The following XIRP2 variants were observed in gnomAD, a reference collection of about 807,000 sequenced individuals.
XIRP2 encodes xin actin binding repeat containing 2.
XIRP2 carries 236 observed loss-of-function variants against 277.0 expected under a neutral mutation model. The ratio of observed to expected loss-of-function variants is 0.85; its 90% CI spans 0.77 to 0.95. The LOEUF (loss-of-function observed/expected upper bound fraction) is 0.95. Ranked by LOEUF, XIRP2 falls within the 40% of genes least tolerant of loss-of-function variation. The pLI is 0.00. For synonymous variants in XIRP2, 1,490 were observed against 1,416.5 expected, an observed-to-expected ratio of 1.05 and a Z score of -1.17; for missense variants, 4,640 against 4,157.5, an observed-to-expected ratio of 1.12 and a Z score of -3.19.
chr2:167,007,393 A>C (rs78639834), intron 2 of XIRP2, among the ~76,000 whole-genome samples: 1 of 151,818 alleles, frequency 6.6e-6, no homozygotes, highest in African/African-American at 2.4e-5. Flanking sequence ...CTGAAATTAG[A>C]TTATAAACTG....
chr2:167,045,411 TTAAAC>T (rs1454635331), intron 2 of XIRP2, among the ~76,000 whole-genome samples: 1 of 152,058 alleles, frequency 6.6e-6, no homozygotes, highest in African/African-American at 2.4e-5. Flanking sequence ...ATGGGACTAA[TTAAAC>T]TAAAGAGTTC....
At chr2:167,217,580 G>T (rs1250304440) in intron 4 of XIRP2, among the ~76,000 whole-genome samples, 1 of 152,028 alleles carries the variant, frequency 6.6e-6, no homozygotes, top group African/African-American at 2.4e-5. Flanking sequence ...TAAAATGTGG[G>T]TAATAGGTGT....
chr2:167,194,417 A>T (rs1175771412), intron 3 of XIRP2, among the ~76,000 whole-genome samples: 1 of 152,000 alleles, frequency 6.6e-6, no homozygotes, highest in East Asian at 1.9e-4. Flanking sequence ...AAATTAGAAA[A>T]ATTTCACAAA....
At chr2:167,180,396 C>T (rs1468216633) in intron 3 of XIRP2, among the ~76,000 whole-genome samples, 3 of 151,958 alleles carry the variant, frequency 2.0e-5, no homozygotes, top group Non-Finnish European at 4.4e-5. Context: ...TGATTTTGCT[C>T]CTGTGTTATG....
In XIRP2 at chr2:167,243,987, G is replaced by A; in HGVS notation, c.2595G>A (p.Glu865=). ...EVPDADSLQR[E]EIIGGDVQTT... ...CTGATGCAGATTCTCTACAACGTGA[G>A]GAGATAATAGGTGGTGATGTACAAA... Residue 865 remains glutamate (E), a synonymous_variant, in exon 9 of 11, where the codon GAG becomes GAA. Coordinates refer to ENST00000409195, the MANE Select transcript of XIRP2 (RefSeq NM_152381.6). The A allele has an allele frequency of 1.2e-6, 2 of 1,613,988 alleles. No homozygotes were observed. Among genetic ancestry groups the A allele is most frequent in the Non-Finnish European group, 1.7e-6 (2 of 1,179,912 alleles).
At chr2:167,073,037 A>T (rs1285740835) in intron 2 of XIRP2, among the ~76,000 whole-genome samples, 2 of 152,176 alleles carry the variant, frequency 1.3e-5, no homozygotes, top group African/African-American at 4.8e-5. Context: ...AGTGAGCTAA[A>T]ACAATTATTA....
chr2:167,163,577 T>G (rs2105342794), intron 3 of XIRP2, among the ~76,000 whole-genome samples: 1 of 152,354 alleles, frequency 6.6e-6, no homozygotes, highest in East Asian at 1.9e-4. Context: ...TGTCAGTTTA[T>G]GCGCTGCAAA....
chr2:166,948,057 G>C lies in XIRP2; in HGVS notation c.408+44167G>C, dbSNP rs112979226. On this transcript the variant is annotated intron_variant, in intron 2 of 10. Transcript: ENST00000409195. ...AGAGATCAGCGGTTTCTGGGAGCTG[G>C]GTGAGAAGAGGATGAATAGAAGTAG... Among the ~76,000 whole-genome samples the C allele has an allele frequency of 9.7e-3, 1,472 of 152,166 alleles. 12 individuals carry two copies. Among genetic ancestry groups the C allele is most frequent in the Non-Finnish European group, 0.016 (1,081 of 67,976 alleles).
At chr2:166,945,056 T>G (rs1012033374) in intron 2 of XIRP2, among the ~76,000 whole-genome samples, 1 of 152,114 alleles carries the variant, frequency 6.6e-6, no homozygotes, top group African/African-American at 2.4e-5. Context: ...CATTCTCTCC[T>G]CCTTACCAGG....
At chr2:166,960,496 A>G (rs1207202289) in intron 2 of XIRP2, among the ~76,000 whole-genome samples, 1 of 151,738 alleles carries the variant, frequency 6.6e-6, no homozygotes, top group Non-Finnish European at 1.5e-5. Flanking sequence ...GTTTTCAGAA[A>G]TGCAAAGACT....
In XIRP2 at chr2:167,062,743, C is replaced by A. The variant is rs181732459; in HGVS notation, c.409-73166C>A. On this transcript the variant is annotated intron_variant, in intron 2 of 10. Transcript: ENST00000409195. ...TTTTCTCTTGGGTGACTTTTGGTAT[C>A]TGGTGACATTACATCTAACTTGAAT... Among the ~76,000 whole-genome samples the A allele has an allele frequency of 2.7e-3, 413 of 152,074 alleles. 2 individuals are homozygous for A. Among genetic ancestry groups the A allele is most frequent in the Admixed American group, 5.6e-3 (86 of 15,248 alleles).
At chr2:167,077,445 A>G (rs1019282598) in intron 2 of XIRP2, among the ~76,000 whole-genome samples, 1 of 152,052 alleles carries the variant, frequency 6.6e-6, no homozygotes, top group Non-Finnish European at 1.5e-5. Context: ...TAAAAAAAAA[A>G]GGCAAAATTC....
At chr2:166,913,195 C>G (rs142824964) in intron 2 of XIRP2, among the ~76,000 whole-genome samples, 1 of 152,184 alleles carries the variant, frequency 6.6e-6, no homozygotes, top group Non-Finnish European at 1.5e-5. Flanking sequence ...ATGCTTTGCC[C>G]CCCAGAGGTG....
intron 3 of XIRP2, among the ~76,000 whole-genome samples, chr2:167,178,488 C>T (rs977306366): frequency 2.2e-4 from 33 of 152,068 alleles, no homozygotes; most frequent in African/African-American, 7.5e-4. Flanking sequence ...ATTTTGTTAC[C>T]TTTACTAAAC....
At chr2:167,086,074 C>G (rs934690507) in intron 2 of XIRP2, among the ~76,000 whole-genome samples, 3 of 152,070 alleles carry the variant, frequency 2.0e-5, no homozygotes, top group Non-Finnish European at 4.4e-5. Flanking sequence ...TTTGCAGCAG[C>G]TGGTACCGGT....
chr2:166,966,339 T>C (rs751260247), intron 2 of XIRP2, among the ~76,000 whole-genome samples: 7 of 151,900 alleles, frequency 4.6e-5, no homozygotes, highest in African/African-American at 7.2e-5. Flanking sequence ...ATATAACTTA[T>C]AAATACAAAT....
intron 10 of XIRP2, 32 bp from the exon 11 acceptor site, chr2:167,257,825 G>A (rs765045232): frequency 1.8e-5 from 28 of 1,548,732 alleles, no homozygotes; most frequent in East Asian, 4.5e-5. Context: ...CAGTAAATAC[G>A]AACTGCTAAG....
intron 2 of XIRP2, among the ~76,000 whole-genome samples, chr2:167,014,703 A>C: frequency 6.6e-6 from 1 of 151,832 alleles, no homozygotes; most frequent in East Asian, 1.9e-4. Flanking sequence ...GGCTCATGAA[A>C]TGTTGAGCAG....
At chr2:167,022,125 A>G (rs988045490) in intron 2 of XIRP2, among the ~76,000 whole-genome samples, 4 of 152,122 alleles carry the variant, frequency 2.6e-5, no homozygotes, top group African/African-American at 9.6e-5. Flanking sequence ...TCACAGTTTT[A>G]ATATATCTCC....
Sources: gnomAD v4.1 joint callset for allele counts (sites outside exome capture counted in the v4.1 genomes callset) on GRCh38, gnomAD v4.1.1 for gene constraint, MANE v1.5 for transcripts, NCBI Gene and HGNC (gene_info 2026-07-23, HGNC 2026-07-21) for gene names.